ARSG: variants seen among roughly 807,000 people sequenced by gnomAD.
ARSG encodes the protein arylsulfatase G.
Under a neutral mutation model 50.5 loss-of-function variants are expected in ARSG, and 37 were observed. That is an observed-to-expected ratio of 0.73 (90% CI 0.56 to 0.96). ARSG has a LOEUF of 0.96. Ranked by LOEUF, ARSG falls within the 50% of genes least tolerant of loss-of-function variation. The pLI, the probability that ARSG is intolerant of heterozygous loss-of-function variation, is 0.00. For synonymous variants in ARSG, 225 were observed against 254.6 expected, an observed-to-expected ratio of 0.88 and a Z score of 1.11; for missense variants, 629 against 675.3, an observed-to-expected ratio of 0.93 and a Z score of 0.76.
chr17:68,397,697 C>T (rs1307534843), intron 10 of ARSG, among the ~76,000 whole-genome samples: 2 of 152,106 alleles, frequency 1.3e-5, no homozygotes, highest in Non-Finnish European at 2.9e-5. Context: ...TACGTCTATA[C>T]ATGTGTGTTA....
At chr17:68,436,621 T>A in the ARSG span, 4 of 690,576 alleles carry the variant, frequency 5.8e-6, no homozygotes, top group African/African-American at 3.6e-5. Flanking sequence ...TGCTTTCCGC[T>A]GATGATTCTT....
downstream of ARSG, chr17:68,424,423 A>G (rs747472544): frequency 1.9e-6 from 1 of 534,560 alleles, no homozygotes; most frequent in African/African-American, 1.9e-5. Flanking sequence ...GGGAGAAAGA[A>G]GCCAGACCTG....
the ARSG span, among the ~76,000 whole-genome samples, chr17:68,438,579 G>C: frequency 5.9e-5 from 9 of 152,324 alleles, no homozygotes; most frequent in South Asian, 1.7e-3. Flanking sequence ...GTGTGTAACT[G>C]CTGAAGGTTT....
chr17:68,304,269 C>T (rs1201225181), intron 1 of ARSG, among the ~76,000 whole-genome samples: 1 of 152,238 alleles, frequency 6.6e-6, no homozygotes, highest in Non-Finnish European at 1.5e-5. Flanking sequence ...GTTAACCACC[C>T]TCCTTGTGCT....
downstream of ARSG, chr17:68,424,657 C>G (rs565399243): frequency 6.9e-5 from 26 of 374,308 alleles, no homozygotes; most frequent in East Asian, 1.8e-3. Flanking sequence ...GAGTGGATCA[C>G]TTGAGGTCAG....
At chr17:68,380,101 C>T (rs545601501) in intron 8 of ARSG, among the ~76,000 whole-genome samples, 18 of 152,252 alleles carry the variant, frequency 1.2e-4, no homozygotes, top group African/African-American at 2.4e-4. Flanking sequence ...GTGAAGACAA[C>T]GAGGATGAAG....
intron 1 of ARSG, among the ~76,000 whole-genome samples, chr17:68,303,933 G>A (rs1284344740): frequency 2.0e-5 from 3 of 152,218 alleles, no homozygotes; most frequent in African/African-American, 7.2e-5. Flanking sequence ...CTGCTGGCTA[G>A]ATTCGCTTAT....
At chr17:68,325,218 T>C (rs1555771946) in intron 2 of ARSG, among the ~76,000 whole-genome samples, 1 of 152,010 alleles carries the variant, frequency 6.6e-6, no homozygotes. Flanking sequence ...GGCATTAGAT[T>C]CTCACAGGAG....
chr17:68,321,480 A>G (rs776089479), intron 2 of ARSG, among the ~76,000 whole-genome samples: 4 of 152,214 alleles, frequency 2.6e-5, no homozygotes, highest in Non-Finnish European at 4.4e-5. Flanking sequence ...GGCCGCAGCA[A>G]AAGATTTTAA....
At chr17:68,370,175 C>G (rs925416480) in intron 7 of ARSG, among the ~76,000 whole-genome samples, 5 of 151,956 alleles carry the variant, frequency 3.3e-5, no homozygotes, top group African/African-American at 1.2e-4. Flanking sequence ...CCACCATGCC[C>G]GGCTAATTTT....
At chr17:68,353,567 T>C (rs971017682) in intron 5 of ARSG, among the ~76,000 whole-genome samples, 4 of 152,288 alleles carry the variant, frequency 2.6e-5, no homozygotes, top group Non-Finnish European at 4.4e-5. Context: ...CATTATGGCA[T>C]GAAAAGCGAG....
chr17:68,422,339 G>C (rs552176413), downstream of ARSG: 3 of 156,220 alleles, frequency 1.9e-5, no homozygotes, highest in Admixed American at 1.2e-4. Flanking sequence ...AGGCAGGAGA[G>C]AATCGCTTGA....
chr17:68,309,686 C>T (rs1447024548), intron 2 of ARSG, among the ~76,000 whole-genome samples: 5 of 151,952 alleles, frequency 3.3e-5, no homozygotes, highest in Admixed American at 6.5e-5. Context: ...TGCCGAAACC[C>T]TCTCTCTACT....
At chr17:68,433,412 GC>G in the ARSG span, 73 of 1,470,204 alleles carry the variant, frequency 5.0e-5, no homozygotes, top group Admixed American at 1.0e-4. Context: ...CAGTAGAAGA[GC>G]CTAGGCCTGA....
intron 9 of ARSG, among the ~76,000 whole-genome samples, chr17:68,394,627 T>C (rs1271578776): frequency 1.3e-5 from 2 of 152,118 alleles, no homozygotes; most frequent in Non-Finnish European, 2.9e-5. Context: ...AGCAAGACTC[T>C]GTCTCTAAAA....
In ARSG at chr17:68,347,114, T is replaced by G. The variant is rs1477014044; in HGVS notation, c.407-11T>G. The stretch of plus-strand genomic sequence containing the variant: ...GATTCCTCTGAAAATCTCTCTTATG[T>G]TTTTCTACAGGCAAATGGCATCTTG... On this transcript the variant is annotated splice_polypyrimidine_tract_variant and intron_variant, in intron 3 of 11. Transcript: ENST00000621439. 1 of 1,613,686 alleles carries G rather than the reference T, an allele frequency of 6.2e-7. No individual in the cohort carries two copies. Among genetic ancestry groups the G allele is most frequent in the African/African-American group, 1.3e-5 (1 of 74,914 alleles).
intron 2 of ARSG, among the ~76,000 whole-genome samples, chr17:68,317,767 AAATGT>A (rs2077124571): frequency 1.3e-5 from 2 of 152,214 alleles, no homozygotes; most frequent in Non-Finnish European, 2.9e-5. Context: ...ATTTAAATGA[AAATGT>A]CAGGGACTTA....
chr17:68,307,308 A>T lies in ARSG; in HGVS notation c.-186A>T, dbSNP rs1290335903. The T allele has an allele frequency of 1.8e-6, 1 of 562,682 alleles. No homozygotes were observed. The highest frequency in any genetic ancestry group is 3.2e-6 in the Non-Finnish European group (1 of 316,416). 34.9% of individuals were successfully genotyped at this position (562,682 alleles called of 1,614,324 possible). A position where few individuals can be genotyped will look rare whatever the true frequency, so the allele number is the denominator to read the frequency against. ...GATTCCAGATGGGGGCCTCATTTCT[A>T]CAGCCCCCAACATTCCTATAGCCGT... On this transcript the variant is annotated 5_prime_UTR_variant, in exon 2 of 12. Coordinates refer to ENST00000621439, the MANE Select transcript of ARSG (RefSeq NM_001267727.2).
At chr17:68,433,493 A>G in the ARSG span, 1 of 1,614,052 alleles carries the variant, frequency 6.2e-7, no homozygotes, top group Non-Finnish European at 8.5e-7. Context: ...TCCAGCTTGA[A>G]GATGTGTACC....
Sources: gnomAD v4.1 joint callset for allele counts (sites outside exome capture counted in the v4.1 genomes callset) on GRCh38, gnomAD v4.1.1 for gene constraint, MANE v1.5 for transcripts, NCBI Gene and HGNC (gene_info 2026-07-23, HGNC 2026-07-21) for gene names.